The following CRMP1 variants were observed in gnomAD, a reference collection of about 807,000 sequenced individuals.
CRMP1 encodes the protein collapsin response mediator protein 1.
Under a neutral mutation model 68.3 loss-of-function variants are expected in CRMP1, and 19 were observed. That is an observed-to-expected ratio of 0.28 (90% confidence interval 0.19 to 0.41). CRMP1 has a LOEUF of 0.41. CRMP1 is among the 10% of genes least tolerant of loss of function. The pLI is 1.00. For missense variants in CRMP1, 791 were observed against 967.4 expected (o/e 0.82, Z 2.42); for synonymous variants, 439 against 399.6 (o/e 1.10, Z -1.18).
Position 5,843,093 on chromosome 4 carries a change from C to T in CRMP1, c.1032G>A (p.Glu344=), listed in dbSNP as rs772778769. 6.2e-7 allele frequency: 1 copy of T among 1,614,040 alleles called. No homozygotes were observed. Among genetic ancestry groups the T allele is most frequent in the Non-Finnish European group, 8.5e-7 (1 of 1,179,982 alleles). The change falls in exon 7 of 14, where the codon GAG becomes GAA. Residue 344 remains glutamate (E), a splice_region_variant and synonymous_variant. Coordinates refer to ENST00000324989, the MANE Select transcript of CRMP1 (RefSeq NM_001014809.3). The surrounding 1 kb of genome is among the most constrained non-coding windows in gnomAD (Gnocchi z 4.1). ...CATGCCCAAGTTGAGGAGTCCTTAC[C>T]TCTTCAGGTCTGCTCAGGGCATGGC... ...PEGHALSRPE[E]LEAEAVFRAI...
chr4:5,842,340 A>G lies in CRMP1; in HGVS notation c.1032+753T>C, dbSNP rs1711802893. 6.6e-6 allele frequency among the ~76,000 whole-genome samples: 1 copy of G among 150,452 alleles called. No homozygotes were observed. The highest frequency in any genetic ancestry group is 2.4e-5 in the African/African-American group (1 of 41,038). On this transcript the variant is annotated intron_variant, in intron 7 of 13. Coordinates refer to ENST00000324989, the MANE Select transcript of CRMP1 (RefSeq NM_001014809.3). This position sits in a 1 kb window ranked among gnomAD's most constrained non-coding sequence, Gnocchi z 4.5. ...GCTACTTGGGAGGCTGAGGCAGGAG[A>G]GTCACTTGAACCCAGGAAGCGGAGG...
At chr4:5,876,266 T>C (rs560407532) in intron 1 of CRMP1, among the ~76,000 whole-genome samples, 1 of 152,236 alleles carries the variant, frequency 6.6e-6, no homozygotes, top group East Asian at 1.9e-4. Context: ...TCAGTGTTGG[T>C]AGATGAAGAC....
At position 5,828,507 on chromosome 4, in the gene CRMP1, G is replaced by T. The variant is rs143852988; in HGVS notation, c.1785C>A (p.Arg595=). ...CACTCACCTTATTCCTGATTTTGAC[G>T]CGCTGGTACAGGTGCTCCGGGAACG... The part of the protein sequence containing the change: ...RKAFPEHLYQ[R]VKIRNKVFGL... Residue 595 remains arginine (R), a synonymous_variant, in exon 12 of 14, where the codon CGC becomes CGA. Coordinates refer to ENST00000324989, the MANE Select transcript of CRMP1 (RefSeq NM_001014809.3). 1.6e-4 allele frequency: 258 copies of T among 1,614,112 alleles called. 1 individual carries two copies. The highest frequency in any genetic ancestry group is 1.2e-3 in the Middle Eastern group (7 of 6,058).
rs1276549051 is a variant in CRMP1 at position 5,877,851 on chromosome 4, T to C, written c.382-11095A>G. Among the ~76,000 whole-genome samples the C allele has an allele frequency of 6.6e-6, 1 of 152,202 alleles. No homozygotes were observed. Among genetic ancestry groups the C allele is most frequent in the Non-Finnish European group, 1.5e-5 (1 of 68,040 alleles). On this transcript the variant is annotated intron_variant, in intron 1 of 13. Transcript: ENST00000324989. The surrounding 1 kb of genome is among the most constrained non-coding windows in gnomAD (Gnocchi z 4.3). The stretch of plus-strand genomic sequence containing the variant: ...ACTCCCTGATGGACTGAATATCTGA[T>C]TTTAAAACAGCACACCTCTGTCACA...
At position 5,890,909 on chromosome 4, in the gene CRMP1, G is replaced by C. The variant is rs1715911327; in HGVS notation, c.381+1680C>G. On this transcript the variant is annotated intron_variant, in intron 1 of 13. Transcript: ENST00000324989. This position sits in a 1 kb window ranked among gnomAD's most constrained non-coding sequence, Gnocchi z 5.5. ...CACGCTTTGAGGAAGGCCGGAAGAA[G>C]ACGGCCACCCCCATCTGACAGATGG... Among the ~76,000 whole-genome samples, 2 of 152,248 alleles carry C rather than the reference G, an allele frequency of 1.3e-5. No homozygotes were observed. Among genetic ancestry groups the C allele is most frequent in the Non-Finnish European group, 2.9e-5 (2 of 68,006 alleles).
Position 5,840,733 on chromosome 4 carries a change from G to A in CRMP1, c.1153+575C>T, listed in dbSNP as rs1322222127. ...GAACCTGCCTGCTTACCCGCTCCCG[G>A]CTGGTACCGCTTCCAGATTTCTGTA... is the stretch of plus-strand genomic sequence containing the variant. On this transcript the variant is annotated intron_variant, in intron 8 of 13. Transcript: ENST00000324989. Among the ~76,000 whole-genome samples, 14 of 152,314 alleles carry A rather than the reference G, an allele frequency of 9.2e-5. No homozygotes were observed. In the East Asian group the frequency reaches 2.1e-3, roughly 23 times the overall value.
chr4:5,831,000 G>A (rs1720343607), intron 11 of CRMP1, among the ~76,000 whole-genome samples: 2 of 152,210 alleles, frequency 1.3e-5, no homozygotes, highest in African/African-American at 4.8e-5. Context: ...TCAGTCTGCA[G>A]TGCAGTGGCA....
intron 9 of CRMP1, among the ~76,000 whole-genome samples, chr4:5,838,000 TAGAGTG>T (rs1024690060): frequency 1.3e-4 from 19 of 151,822 alleles, no homozygotes; most frequent in Non-Finnish European, 1.0e-4. Context: ...TGGGCGCTGT[TAGAGTG>T]AGTGTCAGGG....
At chr4:5,849,193 C>T (rs1376765906) in intron 6 of CRMP1, among the ~76,000 whole-genome samples, 199 bp downstream of exon 6, 1 of 152,214 alleles carries the variant, frequency 6.6e-6, no homozygotes, top group Non-Finnish European at 1.5e-5. Flanking sequence ...GGAACACCAG[C>T]TTCCATGTGC....
At position 5,841,191 on chromosome 4, in the gene CRMP1, T is replaced by TCCAC; in HGVS notation, c.1153+113_1153+116dup. Reference sequence around the variant, plus strand: ...ATCCTTGTGTCAGGAGCATCCCCGCTCCACCCCTCCCTCCTCCGGCTGCCT... The same window carrying TCCAC: ...ATCCTTGTGTCAGGAGCATCCCCGCTCCACCCACCCCTCCCTCCTCCGGCTGCCT... On this transcript the variant is annotated intron_variant, in intron 8 of 13. Coordinates refer to ENST00000324989, the MANE Select transcript of CRMP1 (RefSeq NM_001014809.3). The surrounding 1 kb of genome is among the most constrained non-coding windows in gnomAD (Gnocchi z 6.9). 1 of 1,526,896 alleles carries TCCAC rather than the reference T, an allele frequency of 6.5e-7. No homozygotes were observed. Among genetic ancestry groups the TCCAC allele is most frequent in the Non-Finnish European group, 9.0e-7 (1 of 1,110,346 alleles). The allele number at this position is 1,526,896 out of a possible 1,614,324, so 94.6% of individuals were successfully genotyped here. A position where few individuals can be genotyped will look rare whatever the true frequency, so the allele number is the denominator to read the frequency against.
chr4:5,850,380 T>C lies in CRMP1; in HGVS notation c.883-908A>G, dbSNP rs1166751862. 6.6e-6 allele frequency among the ~76,000 whole-genome samples: 1 copy of C among 152,226 alleles called. No individual in the cohort carries two copies. Among genetic ancestry groups the C allele is most frequent in the African/African-American group, 2.4e-5 (1 of 41,476 alleles). On this transcript the variant is annotated intron_variant, in intron 5 of 13. Coordinates refer to ENST00000324989, the MANE Select transcript of CRMP1 (RefSeq NM_001014809.3). The surrounding 1 kb of genome is among the most constrained non-coding windows in gnomAD (Gnocchi z 4.4). Reference sequence around the variant, plus strand: ...CCAGCACATCACATGCTATGTTTTCTATGTAACTGAACCAATTTTCAGCTC... The same window carrying C: ...CCAGCACATCACATGCTATGTTTTCCATGTAACTGAACCAATTTTCAGCTC...
chr4:5,860,916 C>A lies in CRMP1; in HGVS notation c.655+110G>T, dbSNP rs375039075. 8.8e-7 allele frequency: 1 copy of A among 1,139,584 alleles called. No individual in the cohort carries two copies. Among genetic ancestry groups the A allele is most frequent in the African/African-American group, 1.5e-5 (1 of 64,708 alleles). 70.6% of individuals were successfully genotyped at this position (1,139,584 alleles called of 1,614,324 possible). A position where few individuals can be genotyped will look rare whatever the true frequency, so the allele number is the denominator to read the frequency against. On this transcript the variant is annotated intron_variant, in intron 3 of 13. Transcript: ENST00000324989. The surrounding 1 kb of genome is among the most constrained non-coding windows in gnomAD (Gnocchi z 4.2). The stretch of plus-strand genomic sequence containing the variant: ...ATAGGGCTGGGGGGAGAATGAAATC[C>A]AATGGCACCCTGGGCAGAGAGCCTC...
At position 5,889,858 on chromosome 4, in the gene CRMP1, G is replaced by T. The variant is rs1223900341; in HGVS notation, c.381+2731C>A. 1 of 1,442,350 alleles carries T rather than the reference G, an allele frequency of 6.9e-7. No homozygotes were observed. The highest frequency in any genetic ancestry group is 2.5e-5 in the East Asian group (1 of 39,888). The allele number at this position is 1,442,350 out of a possible 1,614,324, so 89.3% of individuals were successfully genotyped here. A position where few individuals can be genotyped will look rare whatever the true frequency, so the allele number is the denominator to read the frequency against. On this transcript the variant is annotated intron_variant, in intron 1 of 13. Coordinates refer to ENST00000324989, the MANE Select transcript of CRMP1 (RefSeq NM_001014809.3). The surrounding 1 kb of genome is among the most constrained non-coding windows in gnomAD (Gnocchi z 4.5). Reference sequence around the variant, plus strand: ...GAGACACCTGGGCCTTAAAATAGAGGTGAGGTTTTAGCTTCACAGAGAAGC... The same window carrying T: ...GAGACACCTGGGCCTTAAAATAGAGTTGAGGTTTTAGCTTCACAGAGAAGC...
intron 1 of CRMP1, among the ~76,000 whole-genome samples, chr4:5,868,301 A>ATATATG (rs1714185591): frequency 1.1e-5 from 1 of 87,302 alleles, no homozygotes; most frequent in African/African-American, 3.6e-5. Context: ...ATATATATAT[A>ATATATG]TACATAATTT....
rs1409768411 is a variant in CRMP1, at chr4:5,870,919, G to A, written c.382-4163C>T. On this transcript the variant is annotated intron_variant, in intron 1 of 13. Transcript: ENST00000324989. This position sits in a 1 kb window ranked among gnomAD's most constrained non-coding sequence, Gnocchi z 6.0. The stretch of plus-strand genomic sequence containing the variant: ...AGGAAACATAAGTCACCAGCAGCTG[G>A]TGCATGGCTTCCGGAACACGGCCGC... Among the ~76,000 whole-genome samples the A allele has an allele frequency of 6.6e-6, 1 of 152,184 alleles. No individual in the cohort carries two copies. Among genetic ancestry groups the A allele is most frequent in the African/African-American group, 2.4e-5 (1 of 41,432 alleles).
At position 5,891,483 on chromosome 4, in the gene CRMP1, C is replaced by G. The variant is rs979331096; in HGVS notation, c.381+1106G>C. ...GATTGTAATAAAAGTCAACAACAAA[C>G]ATTTATTGAATGCTCACTACCGACC... On this transcript the variant is annotated intron_variant, in intron 1 of 13. Coordinates refer to ENST00000324989, the MANE Select transcript of CRMP1 (RefSeq NM_001014809.3). The surrounding 1 kb of genome is among the most constrained non-coding windows in gnomAD (Gnocchi z 5.2). 9.8e-5 allele frequency among the ~76,000 whole-genome samples: 15 copies of G among 152,298 alleles called. No individual in the cohort carries two copies. In the East Asian group the frequency reaches 2.9e-3, roughly 29 times the overall value.
intron 4 of CRMP1, 80 bp downstream of exon 4, chr4:5,856,063 G>A (rs375993735): frequency 6.5e-7 from 1 of 1,532,616 alleles, no homozygotes; most frequent in South Asian, 1.2e-5. Flanking sequence ...CAGACAGGGG[G>A]ATTTTTCACT....
At chr4:5,849,272 C>A (rs1349677375) in intron 6 of CRMP1, 120 bp downstream of exon 6, 10 of 763,972 alleles carry the variant, frequency 1.3e-5, no homozygotes, top group Non-Finnish European at 2.2e-5. Flanking sequence ...ATATGACACC[C>A]AGTTCCTGGC....
At chr4:5,868,645 C>G (rs868800387) in intron 1 of CRMP1, among the ~76,000 whole-genome samples, 1 of 152,178 alleles carries the variant, frequency 6.6e-6, no homozygotes, top group African/African-American at 2.4e-5. Context: ...AATACTCCAT[C>G]TTAGGGATAC....
Sources: allele counts gnomAD v4.1 joint callset (sites outside exome capture counted in the v4.1 genomes callset), GRCh38; gene constraint gnomAD v4.1.1; non-coding constraint Gnocchi (gnomAD v3.1); transcripts MANE v1.5; gene names NCBI Gene and HGNC (gene_info 2026-07-23, HGNC 2026-07-21).